Variants in VWA8 observed in about 807,000 individuals in gnomAD.
VWA8 encodes the protein von Willebrand factor A domain-containing protein 8.
Under a neutral mutation model 241.5 loss-of-function variants are expected in VWA8, and 221 were observed. That is an observed-to-expected ratio of 0.91 (90% CI 0.82 to 1.02). The LOEUF is 1.02. VWA8 is among the 50% of genes least tolerant of loss of function. VWA8 has a pLI of 0.00. For synonymous variants in VWA8, 852 were observed against 827.1 expected (o/e 1.03, Z -0.52); for missense variants, 2,322 against 2,328.7 (o/e 1.00, Z 0.06).
intron 12 of VWA8, among the ~76,000 whole-genome samples, chr13:41,853,910 C>G (rs1414874313): frequency 1.3e-5 from 2 of 152,122 alleles, no homozygotes; most frequent in African/African-American, 4.8e-5. Context: ...GTTGTCCATG[C>G]CTTCAAGGAG....
chr13:41,949,450 G>C (rs904280171), intron 2 of VWA8, among the ~76,000 whole-genome samples: 1 of 150,596 alleles, frequency 6.6e-6, no homozygotes, highest in Admixed American at 6.6e-5. Flanking sequence ...ACAGGGAGGG[G>C]AACAACACAC....
intron 12 of VWA8, among the ~76,000 whole-genome samples, chr13:41,861,227 A>G (rs1872992996): frequency 1.3e-5 from 2 of 152,078 alleles, no homozygotes; most frequent in South Asian, 4.1e-4. Flanking sequence ...AGAAAATCAT[A>G]TATGTGGAGA....
chr13:41,683,364 T>G (rs899809891), intron 35 of VWA8, among the ~76,000 whole-genome samples: 1 of 152,116 alleles, frequency 6.6e-6, no homozygotes, highest in Non-Finnish European at 1.5e-5. Context: ...GACCACATAC[T>G]GTATGATTCC....
intron 2 of VWA8, among the ~76,000 whole-genome samples, chr13:41,946,664 A>T (rs530524951): frequency 6.6e-4 from 100 of 152,100 alleles, no homozygotes; most frequent in Non-Finnish European, 1.2e-3. Context: ...AAAAAAAAAA[A>T]AAGAGTAGTA....
intron 26 of VWA8, among the ~76,000 whole-genome samples, chr13:41,716,485 A>G (rs762084242): frequency 2.6e-5 from 4 of 152,110 alleles, no homozygotes; most frequent in Admixed American, 6.6e-5. Context: ...TTCTGATTTC[A>G]GTTGAGGAAG....
At chr13:41,680,580 G>A (rs549725924) in intron 35 of VWA8, among the ~76,000 whole-genome samples, 9 of 152,290 alleles carry the variant, frequency 5.9e-5, no homozygotes, top group African/African-American at 2.2e-4. Flanking sequence ...GTTCTTGGAA[G>A]AGCAAATGGC....
chr13:41,657,729 T>C (rs1281138221), intron 37 of VWA8, among the ~76,000 whole-genome samples: 1 of 152,166 alleles, frequency 6.6e-6, no homozygotes, highest in Non-Finnish European at 1.5e-5. Context: ...GACCTCATGA[T>C]CTACCCGCCT....
chr13:41,721,826 C>T (rs577593039), intron 24 of VWA8, among the ~76,000 whole-genome samples: 8 of 152,078 alleles, frequency 5.3e-5, no homozygotes, highest in East Asian at 3.9e-4. Context: ...ACATGCTCAC[C>T]GGGAGATATT....
At chr13:41,763,133 CA>C (rs2045753137) in intron 20 of VWA8, among the ~76,000 whole-genome samples, 1 of 151,488 alleles carries the variant, frequency 6.6e-6, no homozygotes, top group African/African-American at 2.4e-5. Flanking sequence ...AACAAACAAA[CA>C]AAAAATTAGC....
chr13:41,701,241 A>G, intron 28 of VWA8, 151 bp downstream of exon 28: 3 of 977,168 alleles, frequency 3.1e-6, no homozygotes, highest in Non-Finnish European at 4.2e-6. Flanking sequence ...GTTAGAGGAA[A>G]TTAGTTCTAA....
At chr13:41,615,901 C>T (rs765037113) in intron 37 of VWA8, among the ~76,000 whole-genome samples, 2 of 152,208 alleles carry the variant, frequency 1.3e-5, no homozygotes, top group Non-Finnish European at 2.9e-5. Flanking sequence ...ATTTTATGCA[C>T]ACCATGAGCC....
intron 28 of VWA8, among the ~76,000 whole-genome samples, chr13:41,700,285 T>C (rs1032150892): frequency 6.6e-5 from 10 of 151,816 alleles, no homozygotes; most frequent in Non-Finnish European, 1.2e-4. Context: ...TTATTATATA[T>C]AATGATATAT....
chr13:41,760,557 T>C (rs762870069), intron 21 of VWA8, among the ~76,000 whole-genome samples: 5 of 151,930 alleles, frequency 3.3e-5, no homozygotes, highest in Non-Finnish European at 7.4e-5. Flanking sequence ...GGATCTATCA[T>C]TTATATTTTA....
chr13:41,852,947 A>G (rs1872583633), intron 12 of VWA8, among the ~76,000 whole-genome samples: 1 of 152,080 alleles, frequency 6.6e-6, no homozygotes, highest in African/African-American at 2.4e-5. Context: ...GTGGTTCCAT[A>G]TGAATTTTAG....
At chr13:41,642,862 G>C (rs540397279) in intron 37 of VWA8, among the ~76,000 whole-genome samples, 8 of 152,056 alleles carry the variant, frequency 5.3e-5, no homozygotes, top group Non-Finnish European at 4.4e-5. Context: ...CCAGGAGGCG[G>C]AGGTTGCAGT....
At chr13:41,904,569 C>G (rs1875613535) in intron 4 of VWA8, among the ~76,000 whole-genome samples, 1 of 151,966 alleles carries the variant, frequency 6.6e-6, no homozygotes, top group Admixed American at 6.6e-5. Context: ...GTTTACAGCA[C>G]CTTTATGTGT....
chr13:41,827,142 G>GA (rs1871210600), intron 14 of VWA8, among the ~76,000 whole-genome samples: 2 of 152,084 alleles, frequency 1.3e-5, no homozygotes, highest in East Asian at 1.9e-4. Context: ...TTAACTTGAG[G>GA]AAAAAACAAG....
intron 17 of VWA8, among the ~76,000 whole-genome samples, chr13:41,796,117 T>TGTTTG (rs1196423259): frequency 6.6e-6 from 1 of 152,196 alleles, no homozygotes; most frequent in African/African-American, 2.4e-5. Flanking sequence ...TTACTCAGAA[T>TGTTTG]GTTTGCATCC....
intron 2 of VWA8, among the ~76,000 whole-genome samples, chr13:41,917,855 A>G (rs945426286): frequency 5.9e-5 from 9 of 152,244 alleles, no homozygotes; most frequent in Admixed American, 3.3e-4. Flanking sequence ...TAGCTCAGAA[A>G]GAATCTACAT....
Sources: allele counts gnomAD v4.1 joint callset (sites outside exome capture counted in the v4.1 genomes callset), GRCh38; gene constraint gnomAD v4.1.1; transcripts MANE v1.5; gene names NCBI Gene and HGNC (gene_info 2026-07-23, HGNC 2026-07-21).